The following CEP164 variants were observed in gnomAD, a reference collection of about 807,000 sequenced individuals.
CEP164 encodes centrosomal protein of 164 kDa.
A neutral mutation model predicts 182.7 loss-of-function variants in CEP164; 162 were observed. The ratio of observed to expected loss-of-function variants is 0.89; its 90% CI spans 0.78 to 1.01. The LOEUF is 1.01. Ranked by LOEUF, CEP164 falls within the 50% of genes least tolerant of loss-of-function variation. The probability of loss-of-function intolerance (pLI) is 0.00; values close to 1 mark genes in which losing one functional copy is unlikely to be tolerated. For synonymous variants in CEP164, 661 were observed against 690.0 expected (o/e 0.96, Z 0.66); for missense variants, 1,735 against 1,790.4 (o/e 0.97, Z 0.56).
upstream of CEP164, among the ~76,000 whole-genome samples, chr11:117,323,137 G>A (rs2035314623): frequency 6.6e-6 from 1 of 152,096 alleles, no homozygotes; most frequent in South Asian, 2.1e-4. Context: ...CTGACCTCAA[G>A]TGATCCACTC....
upstream of CEP164, chr11:117,324,026 AT>A: frequency 4.2e-6 from 1 of 236,820 alleles, no homozygotes; most frequent in Non-Finnish European, 9.0e-6. Flanking sequence ...TAGGGAAAAA[AT>A]TTGTCATCAA....
intron 27 of CEP164, among the ~76,000 whole-genome samples, chr11:117,399,808 C>A (rs961155035): frequency 1.3e-5 from 2 of 152,000 alleles, no homozygotes; most frequent in Admixed American, 6.6e-5. Flanking sequence ...CTGTTCATAT[C>A]CTTTGCCCAC....
Position 117,411,602 on chromosome 11 carries a change from A to T in CEP164, c.4164-193A>T. The T allele has an allele frequency of 1.5e-6, 1 of 689,590 alleles. No homozygotes were observed. Among genetic ancestry groups the T allele is most frequent in the Non-Finnish European group, 2.3e-6 (1 of 434,942 alleles). The allele number at this position is 689,590 out of a possible 1,614,324, so 42.7% of individuals were successfully genotyped here. A position where few individuals can be genotyped will look rare whatever the true frequency, so the allele number is the denominator to read the frequency against. On this transcript the variant is annotated intron_variant, in intron 31 of 32. Coordinates refer to ENST00000278935, the MANE Select transcript of CEP164 (RefSeq NM_014956.5). This position sits in a 1 kb window ranked among gnomAD's most constrained non-coding sequence, Gnocchi z 4.4. Reference sequence around the variant, plus strand: ...CCCAGCAAGGGGGCAGAGGGCCTCCACCACTTTCCCGTTTGGGAACTGTTC... The same window carrying T: ...CCCAGCAAGGGGGCAGAGGGCCTCCTCCACTTTCCCGTTTGGGAACTGTTC...
chr11:117,332,674 C>G (rs867046170), intron 1 of CEP164, among the ~76,000 whole-genome samples: 2 of 152,192 alleles, frequency 1.3e-5, no homozygotes, highest in Non-Finnish European at 2.9e-5. Context: ...TCTGGGTTGA[C>G]AGGAGAGGAT....
intron 12 of CEP164, 91 bp downstream of exon 12, chr11:117,380,796 C>A: frequency 8.2e-7 from 1 of 1,216,540 alleles, no homozygotes; most frequent in Non-Finnish European, 1.2e-6. Flanking sequence ...CGGCCTGGCT[C>A]AGTGTACAGT....
rs72255760 is a variant in CEP164 at position 117,363,759 on chromosome 11, C to CTTTT, written c.765+278_765+281dup. Among the ~76,000 whole-genome samples the CTTTT allele has an allele frequency of 7.5e-3, 440 of 58,436 alleles. 76 individuals are homozygous for CTTTT. Among genetic ancestry groups the CTTTT allele is most frequent in the African/African-American group, 0.016 (215 of 13,350 alleles). The allele number at this position is 58,436 out of a possible 152,430, so 38.3% of individuals were successfully genotyped here. A position where few individuals can be genotyped will look rare whatever the true frequency, so the allele number is the denominator to read the frequency against. On this transcript the variant is annotated intron_variant, in intron 8 of 32. Coordinates refer to ENST00000278935, the MANE Select transcript of CEP164 (RefSeq NM_014956.5). The stretch of plus-strand genomic sequence containing the variant: ...ATTGTAATACCTAAAACCTCCAATG[C>CTTTT]TTTTTTTTTTTTTTTTTTTTTTTTT...
intron 30 of CEP164, 55 bp from the exon 31 acceptor site, chr11:117,410,773 T>C: frequency 6.7e-7 from 1 of 1,485,484 alleles, no homozygotes. Flanking sequence ...GAGGTGCTGG[T>C]GGGCAGGGTG....
chr11:117,330,740 A>G (rs2036078241), intron 1 of CEP164, among the ~76,000 whole-genome samples: 1 of 152,246 alleles, frequency 6.6e-6, no homozygotes. Flanking sequence ...GGAGCAAGGT[A>G]GAATAAACCC....
chr11:117,381,153 GT>G (rs2043272222), intron 12 of CEP164, among the ~76,000 whole-genome samples: 1 of 152,204 alleles, frequency 6.6e-6, no homozygotes, highest in Admixed American at 6.5e-5. Flanking sequence ...AGAAATGGCT[GT>G]AGCTATCTGT....
At chr11:117,340,759 AG>A (rs2037987228) in intron 3 of CEP164, among the ~76,000 whole-genome samples, 1 of 152,198 alleles carries the variant, frequency 6.6e-6, no homozygotes, top group South Asian at 2.1e-4. Flanking sequence ...CCTGGGTTCA[AG>A]TGATCCTCCT....
Position 117,394,220 on chromosome 11 carries a change from GA to G in CEP164, c.2617-129del. On this transcript the variant is annotated intron_variant, in intron 20 of 32. Coordinates refer to ENST00000278935, the MANE Select transcript of CEP164 (RefSeq NM_014956.5). This position sits in a 1 kb window ranked among gnomAD's most constrained non-coding sequence, Gnocchi z 4.0. ...TGCTTGTAACCCTCCTCTTCTCCAA[GA>G]GCTGGCTTTAGGGAGCCGATGGTGT... The G allele has an allele frequency of 8.0e-7, 1 of 1,244,626 alleles. No individual in the cohort carries two copies. The highest frequency in any genetic ancestry group is 1.1e-6 in the Non-Finnish European group (1 of 898,908). The allele number at this position is 1,244,626 out of a possible 1,614,324, so 77.1% of individuals were successfully genotyped here. A position where few individuals can be genotyped will look rare whatever the true frequency, so the allele number is the denominator to read the frequency against.
chr11:117,356,783 A>G (rs1028142195), intron 5 of CEP164, among the ~76,000 whole-genome samples: 1 of 152,238 alleles, frequency 6.6e-6, no homozygotes, highest in Admixed American at 6.5e-5. Flanking sequence ...GGAATGACAC[A>G]TACTTGAAGT....
In CEP164 at chr11:117,381,780, G is replaced by A. The variant is rs2043344397; in HGVS notation, c.1489G>A (p.Gly497Ser). The change falls in exon 13 of 33, where the codon GGC becomes AGC. Residue 497 changes from glycine (G) to serine (S), a missense_variant. By Grantham distance (56) the Gly-to-Ser change is moderately conservative. Transcript: ENST00000278935. Reference protein sequence around the residue: ...SLATEEEPPQGPEGQPEWKEA... With the variant: ...SLATEEEPPQSPEGQPEWKEA... ...GGCCACTGAAGAAGAGCCTCCCCAGGGCCCCGAGGGGCAGCCCGAGTGGAA... is the reference window on the plus strand; with the variant it reads ...GGCCACTGAAGAAGAGCCTCCCCAGAGCCCCGAGGGGCAGCCCGAGTGGAA... 6.3e-7 allele frequency: 1 copy of A among 1,591,518 alleles called. No individual in the cohort carries two copies. Among genetic ancestry groups the A allele is most frequent in the Non-Finnish European group, 8.6e-7 (1 of 1,168,648 alleles).
Position 117,371,086 on chromosome 11 carries a change from C to G in CEP164, c.772C>G (p.Leu258Val). 6.3e-7 allele frequency: 1 copy of G among 1,591,844 alleles called. No individual in the cohort carries two copies. Among genetic ancestry groups the G allele is most frequent in the Non-Finnish European group, 8.6e-7 (1 of 1,167,234 alleles). The change falls in exon 9 of 33, where the codon CTG becomes GTG. Residue 258 changes from leucine to valine, a missense_variant. Physicochemically the swap from Leu to Val is conservative, Grantham distance 32 (BLOSUM62 1). Transcript: ENST00000278935. Reference sequence around the variant, plus strand: ...ATGGTCTGTTGCTCCCTAGGAGTCTCTGAGAACAAGCCAGCCAGAGGAGAA... The same window carrying G: ...ATGGTCTGTTGCTCCCTAGGAGTCTGTGAGAACAAGCCAGCCAGAGGAGAA... ...LGGDFEYEES[L>V]RTSQPEEKKD...
At chr11:117,341,089 A>C in intron 3 of CEP164, among the ~76,000 whole-genome samples, 1 of 152,098 alleles carries the variant, frequency 6.6e-6, no homozygotes, top group Non-Finnish European at 1.5e-5. Flanking sequence ...GGCCTCCCAA[A>C]GTGCTGGGAT....
chr11:117,355,014 A>T, intron 5 of CEP164: 1 of 1,289,660 alleles, frequency 7.8e-7, no homozygotes, highest in Non-Finnish European at 1.0e-6. Context: ...GGGCTTGCTG[A>T]TCTGGACCTA....
Position 117,409,795 on chromosome 11 carries a change from C to G in CEP164, c.3926C>G (p.Thr1309Ser). 6.2e-7 allele frequency: 1 copy of G among 1,610,518 alleles called. No homozygotes were observed. The highest frequency in any genetic ancestry group is 8.5e-7 in the Non-Finnish European group (1 of 1,178,694). The change falls in exon 30 of 33, where the codon ACC (threonine) becomes AGC (serine). Residue 1309 changes from threonine (T) to serine (S), a missense_variant. By Grantham distance (58) the Thr-to-Ser change is moderately conservative. Coordinates refer to ENST00000278935, the MANE Select transcript of CEP164 (RefSeq NM_014956.5). The surrounding 1 kb of genome is among the most constrained non-coding windows in gnomAD (Gnocchi z 4.4). The part of the protein sequence containing the change: ...AQLPPRDPKS[T>S]PTPTYYGSLA... Reference sequence around the variant, plus strand: ...CTCCCTCCCCGGGACCCTAAGAGCACCCCCACCCCCACCTACTATGGCTCC... The same window carrying G: ...CTCCCTCCCCGGGACCCTAAGAGCAGCCCCACCCCCACCTACTATGGCTCC...
At chr11:117,387,640 A>G (rs2044117338) in intron 15 of CEP164, among the ~76,000 whole-genome samples, 1 of 152,254 alleles carries the variant, frequency 6.6e-6, no homozygotes, top group African/African-American at 2.4e-5. Context: ...CCCGTAGAAT[A>G]AAAGCAGGGT....
Position 117,394,770 on chromosome 11 carries a change from C to G in CEP164, c.2761-150C>G. The G allele has an allele frequency of 1.1e-6, 1 of 924,224 alleles. No individual in the cohort carries two copies. Among genetic ancestry groups the G allele is most frequent in the South Asian group, 1.6e-5 (1 of 63,602 alleles). The allele number at this position is 924,224 out of a possible 1,614,324, so 57.3% of individuals were successfully genotyped here. On this transcript the variant is annotated intron_variant, in intron 21 of 32. Transcript: ENST00000278935. This position sits in a 1 kb window ranked among gnomAD's most constrained non-coding sequence, Gnocchi z 4.0. ...GCAGGAAGTAAACAAGGTGTGGAGCCTTCCTGGGAGGCTGCAGGGGCACAC... is the reference window on the plus strand; with the variant it reads ...GCAGGAAGTAAACAAGGTGTGGAGCGTTCCTGGGAGGCTGCAGGGGCACAC...
Sources: gnomAD v4.1 joint callset for allele counts (sites outside exome capture counted in the v4.1 genomes callset) on GRCh38, gnomAD v4.1.1 for gene constraint, Gnocchi (gnomAD v3.1) non-coding constraint, MANE v1.5 for transcripts, NCBI Gene and HGNC (gene_info 2026-07-23, HGNC 2026-07-21) for gene names.